Variants in PLXNC1 observed in about 807,000 individuals in gnomAD.
The protein encoded by PLXNC1 is plexin-C1.
A neutral mutation model predicts 178.2 loss-of-function variants in PLXNC1; 75 were observed. The ratio of observed to expected loss-of-function variants is 0.42; its 90% CI spans 0.35 to 0.51. The LOEUF (loss-of-function observed/expected upper bound fraction) is 0.51, where lower values mean the gene tolerates loss of function less well. Among genes scored for constraint, PLXNC1 ranks in the 20% least tolerant of loss-of-function variants. The pLI, the probability that PLXNC1 is intolerant of heterozygous loss-of-function variation, is 0.02. For missense variants in PLXNC1, 1,503 were observed against 1,984.4 expected (o/e 0.76, Z 4.61); for synonymous variants, 790 against 779.9 (o/e 1.01, Z -0.22).
rs749338839 is a variant in PLXNC1 at position 94,247,970 on chromosome 12, G to T, written c.2456G>T (p.Arg819Leu). 6.2e-7 allele frequency: 1 copy of T among 1,614,174 alleles called. No homozygotes were observed. The highest frequency in any genetic ancestry group is 1.7e-5 in the Admixed American group (1 of 60,022). ...CCCAGTTTAAAGAGTTCAAAAGTGC[G>T]CACGAATGTCACTGTGAAGCTGAGA... ...LAPSLKSSKVRTNVTVKLRVQ... is the reference protein window; with the variant it reads ...LAPSLKSSKVLTNVTVKLRVQ... The change falls in exon 13 of 31, where the codon CGC (arginine) becomes CTC (leucine). Residue 819 changes from arginine to leucine, a missense_variant. Arg to Leu is a moderately radical substitution (Grantham distance 102). This residue lies in a region of PLXNC1 where 639 missense variants were observed against 979.7 expected (regional missense o/e 0.65). Transcript: ENST00000258526.
At chr12:94,192,711 A>G (rs1042551105) in intron 4 of PLXNC1, among the ~76,000 whole-genome samples, 1 of 152,120 alleles carries the variant, frequency 6.6e-6, no homozygotes, top group Non-Finnish European at 1.5e-5. Context: ...CCTGGCTGAC[A>G]TCATGCTGAC....
At chr12:94,189,098 T>C (rs1181643402) in intron 4 of PLXNC1, among the ~76,000 whole-genome samples, 1 of 152,230 alleles carries the variant, frequency 6.6e-6, no homozygotes, top group Non-Finnish European at 1.5e-5. Context: ...GTGAGAGCTG[T>C]AAGCATGGTT....
At chr12:94,264,320 G>C (rs1322539683) in intron 20 of PLXNC1, among the ~76,000 whole-genome samples, 1 of 152,096 alleles carries the variant, frequency 6.6e-6, no homozygotes, top group Non-Finnish European at 1.5e-5. Flanking sequence ...CCCACCCCCA[G>C]CCAGGAAAAA....
At chr12:94,257,989 A>C (rs1392663792) in intron 17 of PLXNC1, among the ~76,000 whole-genome samples, 1 of 151,238 alleles carries the variant, frequency 6.6e-6, no homozygotes, top group Non-Finnish European at 1.5e-5. Context: ...ACGCCACTGC[A>C]CTCCAGCCTG....
At chr12:94,263,381 G>A (rs969990480) in intron 20 of PLXNC1, among the ~76,000 whole-genome samples, 1 of 152,300 alleles carries the variant, frequency 6.6e-6, no homozygotes, top group Middle Eastern at 3.4e-3. Flanking sequence ...GCAGAGTGTA[G>A]GGCCAGATGT....
intron 5 of PLXNC1, among the ~76,000 whole-genome samples, chr12:94,212,265 C>T (rs1963494976): frequency 1.1e-5 from 1 of 89,974 alleles, no homozygotes. Flanking sequence ...CAGAGCGAGA[C>T]TCCGTCTCAA....
At chr12:94,257,257 C>T (rs1333632607) in intron 17 of PLXNC1, among the ~76,000 whole-genome samples, 1 of 152,092 alleles carries the variant, frequency 6.6e-6, no homozygotes, top group African/African-American at 2.4e-5. Context: ...GTGTTCAGCA[C>T]CTACAAAAAA....
chr12:94,169,009 G>A (rs1961736221), intron 1 of PLXNC1, 144 bp from the exon 2 acceptor site: 1 of 714,316 alleles, frequency 1.4e-6, no homozygotes, highest in South Asian at 2.1e-5. Flanking sequence ...GTTGCTCCCG[G>A]GGAATCTAGT....
chr12:94,252,879 C>T (rs887462089), intron 15 of PLXNC1, among the ~76,000 whole-genome samples: 1 of 152,206 alleles, frequency 6.6e-6, no homozygotes, highest in Non-Finnish European at 1.5e-5. Flanking sequence ...AGTCTATTTT[C>T]TCTCATCCTT....
rs1023763024 is a variant in PLXNC1, at chr12:94,307,672, T to C, written c.*2387T>C. On this transcript the variant is annotated 3_prime_UTR_variant, in exon 31 of 31. Coordinates refer to ENST00000258526, the MANE Select transcript of PLXNC1 (RefSeq NM_005761.3). ...CAAAAAATAAACATTTTGATGTAACTGTGGACTGTCTTTTTTTTTTTTCAA... is the reference window on the plus strand; with the variant it reads ...CAAAAAATAAACATTTTGATGTAACCGTGGACTGTCTTTTTTTTTTTTCAA... 1.6e-5 allele frequency: 2 copies of C among 124,148 alleles called. No individual in the cohort carries two copies. The highest frequency in any genetic ancestry group is 2.8e-5 in the African/African-American group (1 of 35,330). The allele number at this position is 124,148 out of a possible 1,614,324, so 7.7% of individuals were successfully genotyped here. A position where few individuals can be genotyped will look rare whatever the true frequency, so the allele number is the denominator to read the frequency against.
intron 4 of PLXNC1, among the ~76,000 whole-genome samples, chr12:94,191,481 G>C (rs117616083): frequency 5.6e-4 from 86 of 152,270 alleles, no homozygotes; most frequent in Non-Finnish European, 9.9e-4. Flanking sequence ...CTTTTGATCA[G>C]ATGTTAAGAA....
chr12:94,271,030 TGGCCTCA>T (rs1965538248), intron 21 of PLXNC1, among the ~76,000 whole-genome samples: 1 of 152,236 alleles, frequency 6.6e-6, no homozygotes, highest in Non-Finnish European at 1.5e-5. Flanking sequence ...CACTTCTAAC[TGGCCTCA>T]TGCTGCTTCT....
intron 22 of PLXNC1, among the ~76,000 whole-genome samples, chr12:94,280,527 A>G (rs1266708617): frequency 6.6e-6 from 1 of 152,194 alleles, no homozygotes; most frequent in African/African-American, 2.4e-5. Context: ...AGACCATGCA[A>G]ATGTGGGGCA....
chr12:94,153,915 C>T (rs923934215), intron 1 of PLXNC1, among the ~76,000 whole-genome samples: 2 of 152,196 alleles, frequency 1.3e-5, no homozygotes, highest in African/African-American at 2.4e-5. Flanking sequence ...AGCCTATTGA[C>T]CTCAAAATCC....
intron 28 of PLXNC1, among the ~76,000 whole-genome samples, chr12:94,301,392 TA>T (rs1212092907): frequency 2.0e-5 from 3 of 152,228 alleles, no homozygotes; most frequent in Non-Finnish European, 4.4e-5. Context: ...GAAATTTGCC[TA>T]AATCAATTCT....
At chr12:94,268,038 A>G (rs1402733422) in intron 21 of PLXNC1, among the ~76,000 whole-genome samples, 3 of 152,188 alleles carry the variant, frequency 2.0e-5, no homozygotes, top group East Asian at 3.9e-4. Flanking sequence ...AGGAAAGGAA[A>G]GTCGGAAATC....
intron 21 of PLXNC1, among the ~76,000 whole-genome samples, chr12:94,278,947 A>G (rs59326366): frequency 0.054 from 8,176 of 152,056 alleles, 281 homozygotes; most frequent in East Asian, 0.071. Flanking sequence ...GCAGTGAGCC[A>G]AGATAGCACC....
chr12:94,192,685 A>T (rs187632826), intron 4 of PLXNC1, among the ~76,000 whole-genome samples: 1 of 152,034 alleles, frequency 6.6e-6, no homozygotes, highest in East Asian at 1.9e-4. Flanking sequence ...GCTAAACTAG[A>T]CAACATGTTC....
At chr12:94,175,208 C>G (rs535888209) in intron 2 of PLXNC1, among the ~76,000 whole-genome samples, 12 of 152,070 alleles carry the variant, frequency 7.9e-5, no homozygotes, top group Non-Finnish European at 1.5e-4. Flanking sequence ...TGGTTTAAGT[C>G]TCCTTCCCAG....
Sources: gnomAD v4.1 joint callset for allele counts (sites outside exome capture counted in the v4.1 genomes callset) on GRCh38, gnomAD v4.1.1 for gene constraint, gnomAD v4.1.1 regional missense constraint, MANE v1.5 for transcripts, NCBI Gene and HGNC (gene_info 2026-07-23, HGNC 2026-07-21) for gene names.